The following ADARB2 variants were observed in gnomAD, a reference collection of about 807,000 sequenced individuals.
ADARB2 encodes the protein adenosine deaminase RNA specific B2 (inactive), also known as inactive double-stranded RNA-specific editase B2.
In ADARB2, 25 loss-of-function variants were observed where a neutral mutation model predicts 62.2. That is an observed-to-expected ratio of 0.40 (90% confidence interval 0.29 to 0.56). The LOEUF (loss-of-function observed/expected upper bound fraction) is 0.56. ADARB2 is among the 20% of genes least tolerant of loss of function. The probability of loss-of-function intolerance (pLI) is 0.43; values close to 1 mark genes in which losing one functional copy is unlikely to be tolerated. For synonymous variants in ADARB2, 572 were observed against 500.8 expected, an observed-to-expected ratio of 1.14 and a Z score of -1.90; for missense variants, 1,071 against 1,077.4, an observed-to-expected ratio of 0.99 and a Z score of 0.08.
Position 1,262,007 on chromosome 10 carries a change from T to C in ADARB2, c.1192+8948A>G, listed in dbSNP as rs865830513. Among the ~76,000 whole-genome samples, 3 of 147,446 alleles carry C rather than the reference T, an allele frequency of 2.0e-5. No homozygotes were observed. The South Asian group carries it at 6.4e-4, about 31-fold the overall frequency. ...GTCCTTTGTAGGGACATGGATGAAA[T>C]TGGAAATCATCATTCTCAGTAAACT... On this transcript the variant is annotated intron_variant, in intron 4 of 9. Transcript: ENST00000381312.
At position 1,606,322 on chromosome 10, in the gene ADARB2, G is replaced by C. The variant is rs191632763; in HGVS notation, c.100+130729C>G. ...CTCTCTGAGCTGGAAACCTGAGCGG[G>C]GGGGAGCATCCTGGCTGTGCCTGGC... On this transcript the variant is annotated intron_variant, in intron 1 of 9. Coordinates refer to ENST00000381312, the MANE Select transcript of ADARB2 (RefSeq NM_018702.4). Among the ~76,000 whole-genome samples the C allele has an allele frequency of 1.6e-3, 245 of 151,812 alleles. 4 individuals carry two copies. The highest frequency in any genetic ancestry group is 7.6e-3 in the Admixed American group (116 of 15,210).
intron 3 of ADARB2, among the ~76,000 whole-genome samples, chr10:1,362,551 G>A (rs1410647538): frequency 1.3e-5 from 2 of 152,016 alleles, no homozygotes; most frequent in Non-Finnish European, 2.9e-5. Flanking sequence ...CCCCACTCTC[G>A]CTCCGGCCTC....
At chr10:1,482,314 A>G (rs2138689) in intron 1 of ADARB2, among the ~76,000 whole-genome samples, 50,125 of 152,112 alleles carry the variant, frequency 0.33, 8,417 homozygotes, top group Middle Eastern at 0.39. Context: ...CAACAGCCAA[A>G]AGGTAGAAAC....
intron 1 of ADARB2, among the ~76,000 whole-genome samples, chr10:1,505,881 AT>A (rs1831840852): frequency 1.3e-5 from 2 of 152,260 alleles, no homozygotes; most frequent in Non-Finnish European, 1.5e-5. Flanking sequence ...GAGTGAGTGC[AT>A]GACATCTCAC....
chr10:1,436,669 C>T lies in ADARB2; in HGVS notation c.101-57509G>A, dbSNP rs551688168. On this transcript the variant is annotated intron_variant, in intron 1 of 9. Transcript: ENST00000381312. ...ATGCACACAGATACATCTCAATTTC[C>T]CTCGGGGAGAAGCTACCTTAACTGC... Among the ~76,000 whole-genome samples, 64 of 152,254 alleles carry T rather than the reference C, an allele frequency of 4.2e-4. 1 individual carries two copies. The highest frequency in any genetic ancestry group is 9.2e-4 in the Admixed American group (14 of 15,296).
chr10:1,732,966 C>G (rs879831767), intron 1 of ADARB2, among the ~76,000 whole-genome samples: 1 of 152,254 alleles, frequency 6.6e-6, no homozygotes, highest in Non-Finnish European at 1.5e-5. Context: ...TTTTATAGAG[C>G]TACCTCGTGC....
intron 1 of ADARB2, among the ~76,000 whole-genome samples, chr10:1,552,325 G>A (rs1832636908): frequency 6.6e-6 from 1 of 152,206 alleles, no homozygotes; most frequent in African/African-American, 2.4e-5. Flanking sequence ...GGCTAGTTTG[G>A]GGCCCTGTCC....
chr10:1,550,572 A>G (rs1832605048), intron 1 of ADARB2, among the ~76,000 whole-genome samples: 1 of 152,362 alleles, frequency 6.6e-6, no homozygotes, highest in East Asian at 1.9e-4. Flanking sequence ...CTGGAGATAT[A>G]AATGGCATGA....
intron 1 of ADARB2, among the ~76,000 whole-genome samples, chr10:1,515,490 C>T (rs932032143): frequency 1.3e-5 from 2 of 152,262 alleles, no homozygotes; most frequent in African/African-American, 2.4e-5. Flanking sequence ...AGAGTAAGGA[C>T]ATCCCAGCAA....
chr10:1,193,055 G>A (rs896537296), intron 8 of ADARB2, among the ~76,000 whole-genome samples: 3 of 152,266 alleles, frequency 2.0e-5, no homozygotes, highest in East Asian at 1.9e-4. Flanking sequence ...GGTTTGAGGT[G>A]GAGGTGTTGA....
chr10:1,401,153 C>T (rs1438143736), intron 1 of ADARB2, among the ~76,000 whole-genome samples: 4 of 152,040 alleles, frequency 2.6e-5, no homozygotes, highest in Non-Finnish European at 4.4e-5. Context: ...TCAGGCCCAG[C>T]GTCACCCTCC....
rs1832419743 is a variant in ADARB2, at chr10:1,375,814, CAT to C, written c.187+3258_187+3259del. The stretch of plus-strand genomic sequence containing the variant: ...CACACACGCACACACACACCACACA[CAT>C]GCACACACACACGTGCACACACCGC... On this transcript the variant is annotated intron_variant, in intron 2 of 9. Transcript: ENST00000381312. Among the ~76,000 whole-genome samples, 15 of 40,274 alleles carry C rather than the reference CAT, an allele frequency of 3.7e-4. No individual in the cohort carries two copies. The Admixed American group carries it at 7.0e-3, about 19-fold the overall frequency. 26.4% of individuals were successfully genotyped at this position (40,274 alleles called of 152,430 possible).
At chr10:1,337,502 A>G (rs937212507) in intron 3 of ADARB2, among the ~76,000 whole-genome samples, 27 of 152,232 alleles carry the variant, frequency 1.8e-4, no homozygotes, top group African/African-American at 6.3e-4. Context: ...GGTAAGGACT[A>G]CAATAAAACT....
intron 2 of ADARB2, among the ~76,000 whole-genome samples, chr10:1,378,818 G>C (rs1360869055): frequency 6.6e-6 from 1 of 152,176 alleles, no homozygotes; most frequent in Non-Finnish European, 1.5e-5. Context: ...ATTGTAGGTG[G>C]AGATAGGATT....
At chr10:1,597,745 A>G (rs1833353386) in intron 1 of ADARB2, among the ~76,000 whole-genome samples, 1 of 152,240 alleles carries the variant, frequency 6.6e-6, no homozygotes, top group Non-Finnish European at 1.5e-5. Flanking sequence ...TAGAACTACC[A>G]TTCAGTCCAG....
intron 1 of ADARB2, among the ~76,000 whole-genome samples, chr10:1,629,504 C>T (rs545129683): frequency 7.2e-4 from 109 of 150,828 alleles, no homozygotes; most frequent in African/African-American, 2.3e-3. Context: ...CTCCCCACTG[C>T]GCCCAACACC....
At chr10:1,536,775 A>G (rs914602903) in intron 1 of ADARB2, among the ~76,000 whole-genome samples, 1 of 152,218 alleles carries the variant, frequency 6.6e-6, no homozygotes, top group Non-Finnish European at 1.5e-5. Flanking sequence ...GAAAACTGAA[A>G]TTGGACTCCT....
intron 3 of ADARB2, among the ~76,000 whole-genome samples, chr10:1,342,946 T>C (rs1832043676): frequency 6.6e-6 from 1 of 152,180 alleles, no homozygotes; most frequent in Non-Finnish European, 1.5e-5. Flanking sequence ...TGGAGAAAAA[T>C]GTTGGAACTT....
chr10:1,688,705 A>G (rs1423443822), intron 1 of ADARB2, among the ~76,000 whole-genome samples: 1 of 152,132 alleles, frequency 6.6e-6, no homozygotes, highest in Admixed American at 6.5e-5. Context: ...CATTAAACGT[A>G]AAGGGAACTC....
Sources: allele counts gnomAD v4.1 joint callset (sites outside exome capture counted in the v4.1 genomes callset), GRCh38; gene constraint gnomAD v4.1.1; transcripts MANE v1.5; gene names NCBI Gene and HGNC (gene_info 2026-07-23, HGNC 2026-07-21).